CSMD1: variants seen among roughly 807,000 people sequenced by gnomAD.
CSMD1 encodes CUB and sushi domain-containing protein 1.
CSMD1 carries 213 observed loss-of-function variants against 417.5 expected under a neutral mutation model. The ratio of observed to expected loss-of-function variants is 0.51; its 90% CI spans 0.46 to 0.57. The LOEUF is 0.57. CSMD1 is among the 20% of genes least tolerant of loss of function. The probability of loss-of-function intolerance (pLI) is 0.00; values close to 1 mark genes in which losing one functional copy is unlikely to be tolerated. For missense variants in CSMD1, 6,923 were observed against 4,529.7 expected, an observed-to-expected ratio of 1.53 and a Z score of -15.17; for synonymous variants, 2,862 against 1,736.8, an observed-to-expected ratio of 1.65 and a Z score of -16.11.
intron 25 of CSMD1, among the ~76,000 whole-genome samples, chr8:3,294,703 T>C (rs998547472): frequency 3.9e-5 from 6 of 152,120 alleles, no homozygotes; most frequent in African/African-American, 9.7e-5. Context: ...AGTGACCCGA[T>C]TTTCCAGGTG....
At chr8:4,931,946 G>A (rs1451703693) in intron 1 of CSMD1, among the ~76,000 whole-genome samples, 10 of 152,018 alleles carry the variant, frequency 6.6e-5, no homozygotes, top group Non-Finnish European at 4.4e-5. Context: ...AGAAATTCTT[G>A]TGTAACATGT....
rs541952876 is a variant in CSMD1, at chr8:4,465,816, C to T, written c.303-45751G>A. ...ATGGGTACTTTACTGCCAACCCACC[C>T]CACATTCCTGAAGTATCTCAAGCCA... is the stretch of plus-strand genomic sequence containing the variant. On this transcript the variant is annotated intron_variant, in intron 2 of 69. Coordinates refer to ENST00000635120, the MANE Select transcript of CSMD1 (RefSeq NM_033225.6). Among the ~76,000 whole-genome samples, 5 of 152,242 alleles carry T rather than the reference C, an allele frequency of 3.3e-5. No individual in the cohort carries two copies. In the East Asian group the frequency reaches 9.7e-4, roughly 29 times the overall value.
At chr8:4,741,449 A>G (rs1200386250) in intron 1 of CSMD1, among the ~76,000 whole-genome samples, 1 of 152,176 alleles carries the variant, frequency 6.6e-6, no homozygotes, top group Non-Finnish European at 1.5e-5. Flanking sequence ...TAAATGTTGA[A>G]ATATGTAATA....
At chr8:3,670,480 A>G (rs908267654) in intron 7 of CSMD1, among the ~76,000 whole-genome samples, 11 of 147,180 alleles carry the variant, frequency 7.5e-5, no homozygotes, top group Admixed American at 3.4e-4. Context: ...TCCCATATAT[A>G]TATATCCCGT....
chr8:4,550,188 C>T (rs1797808786), intron 2 of CSMD1, among the ~76,000 whole-genome samples: 2 of 151,944 alleles, frequency 1.3e-5, no homozygotes, highest in Non-Finnish European at 2.9e-5. Flanking sequence ...ATGGGATGTG[C>T]TGTGTGCAAC....
chr8:3,127,898 TGAAGGAAGGAAG>T (rs145008573), intron 41 of CSMD1: 43 of 90,200 alleles, frequency 4.8e-4, no homozygotes, highest in East Asian at 3.7e-3. Flanking sequence ...GAGGGAGGAA[TGAAGGAAGGAAG>T]GAAGGAAGGA....
chr8:4,505,612 A>G (rs920789293), intron 2 of CSMD1, among the ~76,000 whole-genome samples: 6 of 152,080 alleles, frequency 3.9e-5, no homozygotes, highest in African/African-American at 1.4e-4. Flanking sequence ...CTTTTCAGAG[A>G]GAAGTTTCTT....
chr8:2,938,458 G>A lies in CSMD1; in HGVS notation c.*127C>T. 3 of 873,028 alleles carry A rather than the reference G, an allele frequency of 3.4e-6. No homozygotes were observed. The highest frequency in any genetic ancestry group is 3.5e-6 in the Non-Finnish European group (2 of 574,906). 54.1% of individuals were successfully genotyped at this position (873,028 alleles called of 1,614,324 possible). A position where few individuals can be genotyped will look rare whatever the true frequency, so the allele number is the denominator to read the frequency against. ...AGAGATCCCCGCTGCACTTATGCCAGTAGACAAGGTTGAAGATCGCTGCAG... is the reference window on the plus strand; with the variant it reads ...AGAGATCCCCGCTGCACTTATGCCAATAGACAAGGTTGAAGATCGCTGCAG... On this transcript the variant is annotated 3_prime_UTR_variant, in exon 70 of 70. Transcript: ENST00000635120.
intron 7 of CSMD1, among the ~76,000 whole-genome samples, chr8:3,659,793 G>C (rs1461216917): frequency 7.9e-5 from 12 of 152,030 alleles, no homozygotes; most frequent in African/African-American, 1.2e-4. Context: ...ATACGCAATA[G>C]AACTGGGAAG....
At position 2,998,173 on chromosome 8, in the gene CSMD1, C is replaced by A; in HGVS notation, c.8215G>T (p.Gly2739Cys). The A allele has an allele frequency of 6.2e-7, 1 of 1,613,852 alleles. No individual in the cohort carries two copies. The highest frequency in any genetic ancestry group is 8.5e-7 in the Non-Finnish European group (1 of 1,179,798). Reference sequence around the variant, plus strand: ...CCGTGGGCAGGGTTTCCAGGGTGACCACATGTGATGGCTGTAGAGAGACAG... The same window carrying A: ...CCGTGGGCAGGGTTTCCAGGGTGACAACATGTGATGGCTGTAGAGAGACAG... ...QTPVCVPITC[G>C]HPGNPAHGFT... Residue 2739 changes from glycine to cysteine, a missense_variant, in exon 54 of 70, where the codon GGT becomes TGT. Physicochemically the swap from Gly to Cys is radical, Grantham distance 159. Transcript: ENST00000635120.
chr8:3,317,421 ACACT>A (rs1805845439), intron 23 of CSMD1, among the ~76,000 whole-genome samples: 1 of 152,202 alleles, frequency 6.6e-6, no homozygotes, highest in East Asian at 1.9e-4. Flanking sequence ...GTCAACATTG[ACACT>A]CAATCACACA....
intron 5 of CSMD1, among the ~76,000 whole-genome samples, chr8:3,944,698 C>A (rs547701682): frequency 6.6e-6 from 1 of 152,248 alleles, no homozygotes; most frequent in African/African-American, 2.4e-5. Flanking sequence ...GTTGAAAATG[C>A]CTCAGGACAT....
intron 7 of CSMD1, among the ~76,000 whole-genome samples, chr8:3,653,493 G>C (rs1198577487): frequency 1.3e-5 from 2 of 152,104 alleles, no homozygotes; most frequent in South Asian, 2.1e-4. Context: ...ATTTTTAATA[G>C]AGATAGGGTT....
intron 17 of CSMD1, among the ~76,000 whole-genome samples, chr8:3,391,881 T>C (rs911954617): frequency 3.9e-5 from 6 of 152,100 alleles, no homozygotes; most frequent in African/African-American, 1.4e-4. Flanking sequence ...ATGTGAAACA[T>C]GTATGATGAA....
chr8:3,221,910 A>G (rs1798238921), intron 28 of CSMD1, among the ~76,000 whole-genome samples: 1 of 151,978 alleles, frequency 6.6e-6, no homozygotes, highest in Non-Finnish European at 1.5e-5. Flanking sequence ...TCCCATAAAA[A>G]AAACACACCT....
rs144037395 is a variant in CSMD1 at position 3,704,492 on chromosome 8, G to A, written c.1009+3922C>T. ...AACAACATAAATAAGGGGTAGTTATGCAGACAGCTTTACAGATTAGAAAAG... is the reference window on the plus strand; with the variant it reads ...AACAACATAAATAAGGGGTAGTTATACAGACAGCTTTACAGATTAGAAAAG... On this transcript the variant is annotated intron_variant, in intron 7 of 69. Transcript: ENST00000635120. Among the ~76,000 whole-genome samples, 1,033 of 152,278 alleles carry A rather than the reference G, an allele frequency of 6.8e-3. 4 individuals carry two copies. The highest frequency in any genetic ancestry group is 0.011 in the Non-Finnish European group (775 of 68,022).
chr8:4,781,437 T>C lies in CSMD1; in HGVS notation c.86-143879A>G, dbSNP rs1214314261. Among the ~76,000 whole-genome samples the C allele has an allele frequency of 2.6e-5, 4 of 152,224 alleles. No homozygotes were observed. The East Asian group carries it at 7.7e-4, about 29-fold the overall frequency. Reference sequence around the variant, plus strand: ...GCTTACTGTCAGATTTATAAATAACTGACCGTCATCTTATCTGATGTTTAG... The same window carrying C: ...GCTTACTGTCAGATTTATAAATAACCGACCGTCATCTTATCTGATGTTTAG... On this transcript the variant is annotated intron_variant, in intron 1 of 69. Coordinates refer to ENST00000635120, the MANE Select transcript of CSMD1 (RefSeq NM_033225.6).
At chr8:4,286,221 T>C (rs1014492307) in intron 3 of CSMD1, among the ~76,000 whole-genome samples, 1 of 152,186 alleles carries the variant, frequency 6.6e-6, no homozygotes, top group African/African-American at 2.4e-5. Flanking sequence ...TGTAATTCCT[T>C]CTTGCCAAGC....
At chr8:3,719,730 A>G (rs35186146) in intron 6 of CSMD1, among the ~76,000 whole-genome samples, 48,720 of 152,022 alleles carry the variant, frequency 0.32, 9,120 homozygotes, top group Non-Finnish European at 0.44. Context: ...CATATTATGT[A>G]CAAATATATA....
Sources: gnomAD v4.1 joint callset for allele counts (sites outside exome capture counted in the v4.1 genomes callset) on GRCh38, gnomAD v4.1.1 for gene constraint, MANE v1.5 for transcripts, NCBI Gene and HGNC (gene_info 2026-07-23, HGNC 2026-07-21) for gene names.